ATP6V0D1: variants seen among roughly 807,000 people sequenced by gnomAD.
ATP6V0D1 encodes V-type proton ATPase subunit d 1.
In ATP6V0D1, 13 loss-of-function variants were observed where a neutral mutation model predicts 39.0. The ratio of observed to expected loss-of-function variants is 0.33; its 90% CI spans 0.22 to 0.53. ATP6V0D1 has a LOEUF of 0.53. ATP6V0D1 is among the 20% of genes least tolerant of loss of function. The pLI, the probability that ATP6V0D1 is intolerant of heterozygous loss-of-function variation, is 0.94. For synonymous variants in ATP6V0D1, 191 were observed against 191.2 expected (o/e 1.00, Z 0.01); for missense variants, 272 against 470.9 (o/e 0.58, Z 3.91).
At chr16:67,459,953 CTGGCCACAGCACAGTGTGAGAGGACAGAG>C (rs2041276439) in intron 1 of ATP6V0D1, among the ~76,000 whole-genome samples, 1 of 152,260 alleles carries the variant, frequency 6.6e-6, no homozygotes. Flanking sequence ...TGCTGGCCAG[CTGGCCACAGCACAGTGTGAGAGGACAGAG>C]TGTTCCCAGA....
intron 4 of ATP6V0D1, 67 bp from the exon 5 acceptor site, chr16:67,439,418 C>T (rs1567532690): frequency 2.1e-6 from 3 of 1,457,004 alleles, no homozygotes; most frequent in East Asian, 2.3e-5. Flanking sequence ...AGGCACAAGC[C>T]CTCACAGCTC....
intron 1 of ATP6V0D1, among the ~76,000 whole-genome samples, chr16:67,468,254 T>C (rs1019407245): frequency 2.6e-5 from 4 of 151,880 alleles, no homozygotes; most frequent in African/African-American, 4.8e-5. Flanking sequence ...ATCATGCCAC[T>C]GCAATCCAAC....
At chr16:67,458,134 G>A (rs1234030897) in intron 1 of ATP6V0D1, among the ~76,000 whole-genome samples, 4 of 152,192 alleles carry the variant, frequency 2.6e-5, no homozygotes, top group African/African-American at 9.7e-5. Flanking sequence ...AACCAGCTCT[G>A]GCCCTGTTGG....
At chr16:67,475,035 C>A (rs2041403761) in intron 1 of ATP6V0D1, among the ~76,000 whole-genome samples, 1 of 152,244 alleles carries the variant, frequency 6.6e-6, no homozygotes, top group Admixed American at 6.5e-5. Context: ...CACCGCCAGC[C>A]TGGATTACTA....
intron 1 of ATP6V0D1, among the ~76,000 whole-genome samples, chr16:67,461,514 C>T (rs576548387): frequency 4.7e-4 from 71 of 152,340 alleles, no homozygotes; most frequent in Non-Finnish European, 8.5e-4. Context: ...ACAGCTCTTG[C>T]TTCATGGGAA....
Position 67,444,776 on chromosome 16 carries a change from CCCTCGCCCGCCTGCA to C in ATP6V0D1, c.303-85_303-71del. 2 of 1,395,530 alleles carry C rather than the reference CCCTCGCCCGCCTGCA, an allele frequency of 1.4e-6. No individual in the cohort carries two copies. Among genetic ancestry groups the C allele is most frequent in the Non-Finnish European group, 1.9e-6 (2 of 1,038,586 alleles). 86.4% of individuals were successfully genotyped at this position (1,395,530 alleles called of 1,614,324 possible). ...CGGGAAGTCCTGGCATAGCACCATG[CCCTCGCCCGCCTGCA>C]CAGGCCATCACCCCTTAACAATGTA... On this transcript the variant is annotated intron_variant, in intron 2 of 7. Coordinates refer to ENST00000290949, the MANE Select transcript of ATP6V0D1 (RefSeq NM_004691.5). The surrounding 1 kb of genome is among the most constrained non-coding windows in gnomAD (Gnocchi z 4.8).
chr16:67,442,443 G>A (rs534199819), intron 4 of ATP6V0D1, among the ~76,000 whole-genome samples: 3 of 150,410 alleles, frequency 2.0e-5, no homozygotes, highest in African/African-American at 7.5e-5. Context: ...AACCTAACTG[G>A]TCTCGGGCTT....
At chr16:67,452,528 A>G in intron 2 of ATP6V0D1, 1 of 818,350 alleles carries the variant, frequency 1.2e-6, no homozygotes, top group Non-Finnish European at 2.0e-6. Context: ...GAGTGGGGGC[A>G]CCATAATCAA....
intron 1 of ATP6V0D1, among the ~76,000 whole-genome samples, chr16:67,472,203 A>G (rs1282723466): frequency 7.9e-5 from 12 of 152,190 alleles, no homozygotes; most frequent in Admixed American, 7.9e-4. Flanking sequence ...GCCACTGAGC[A>G]CTGGGGTCCC....
chr16:67,466,953 C>T (rs149015439), intron 1 of ATP6V0D1, among the ~76,000 whole-genome samples: 3 of 152,278 alleles, frequency 2.0e-5, no homozygotes, highest in South Asian at 2.1e-4. Context: ...CTGAAGAGGA[C>T]GTGGAGGGAA....
chr16:67,448,520 T>A (rs900533650), intron 2 of ATP6V0D1, among the ~76,000 whole-genome samples: 2 of 151,514 alleles, frequency 1.3e-5, no homozygotes, highest in Non-Finnish European at 1.5e-5. Flanking sequence ...ATTAGTCGGG[T>A]GTGGTGGCGC....
rs560776532 is a variant in ATP6V0D1 at position 67,439,010 on chromosome 16, G to A, written c.777C>T (p.Asp259=). Residue 259 remains aspartate, a synonymous_variant, in exon 6 of 8, where the codon GAC becomes GAT. Coordinates refer to ENST00000290949, the MANE Select transcript of ATP6V0D1 (RefSeq NM_004691.5). ...PEGLAQLARA[D]DYEQVKNVAD... ...CCACGTTCTTGACCTGTTCATAGTC[G>A]TCAGCCCGAGCCAGCTGCGCCAGGC... The A allele has an allele frequency of 4.0e-5, 64 of 1,614,002 alleles. No homozygotes were observed. The highest frequency in any genetic ancestry group is 1.1e-4 in the African/African-American group (8 of 74,920).
intron 1 of ATP6V0D1, among the ~76,000 whole-genome samples, chr16:67,476,527 C>G (rs1361483484): frequency 6.6e-6 from 1 of 152,108 alleles, no homozygotes; most frequent in Non-Finnish European, 1.5e-5. Context: ...TTTATCTTAA[C>G]CTCTCCTATA....
intron 3 of ATP6V0D1, chr16:67,443,479 C>T: frequency 2.9e-6 from 1 of 339,220 alleles, no homozygotes; most frequent in East Asian, 4.7e-5. Flanking sequence ...CAAAGACAGG[C>T]TTGCATAAGA....
chr16:67,443,891 T>C (rs570723541), intron 3 of ATP6V0D1, among the ~76,000 whole-genome samples: 18 of 152,340 alleles, frequency 1.2e-4, no homozygotes, highest in Non-Finnish European at 1.0e-4. Context: ...TCAACCCTGG[T>C]GGCTTCTTAG....
At chr16:67,454,062 C>T (rs890063178) in intron 1 of ATP6V0D1, among the ~76,000 whole-genome samples, 4 of 152,170 alleles carry the variant, frequency 2.6e-5, no homozygotes, top group African/African-American at 9.7e-5. Flanking sequence ...GTAGGCTGGC[C>T]CTAATCTAGA....
chr16:67,451,315 T>C (rs761507662), intron 2 of ATP6V0D1, among the ~76,000 whole-genome samples: 10 of 152,038 alleles, frequency 6.6e-5, no homozygotes, highest in South Asian at 2.1e-4. Context: ...GGCAGAAAAG[T>C]GCTCGAATGA....
In ATP6V0D1 at chr16:67,467,289, G is replaced by A. The variant is rs190914389; in HGVS notation, c.131-13574C>T. The stretch of plus-strand genomic sequence containing the variant: ...TGGGAGACCGAGGTGGGCGGATCAC[G>A]AGGTCAAGAGATCAAGACCATCCTG... On this transcript the variant is annotated intron_variant, in intron 1 of 7. Transcript: ENST00000290949. Among the ~76,000 whole-genome samples the A allele has an allele frequency of 4.4e-3, 669 of 152,228 alleles. 11 individuals are homozygous for A. Among genetic ancestry groups the A allele is most frequent in the African/African-American group, 0.015 (636 of 41,522 alleles).
Position 67,481,123 on chromosome 16 carries a change from C to G in ATP6V0D1, c.-37G>C, listed in dbSNP as rs374855202. 6.3e-5 allele frequency: 101 copies of G among 1,611,572 alleles called. No homozygotes were observed. Among genetic ancestry groups the G allele is most frequent in the Non-Finnish European group, 8.4e-5 (99 of 1,178,388 alleles). On this transcript the variant is annotated 5_prime_UTR_variant, in exon 1 of 8. Coordinates refer to ENST00000290949, the MANE Select transcript of ATP6V0D1 (RefSeq NM_004691.5). ...GAGCGGCGGGACCGGAGAACCAGGA[C>G]CGGCCGGCACGAATCGCGACTCCCC...
Sources: allele counts gnomAD v4.1 joint callset (sites outside exome capture counted in the v4.1 genomes callset), GRCh38; gene constraint gnomAD v4.1.1; non-coding constraint Gnocchi (gnomAD v3.1); transcripts MANE v1.5; gene names NCBI Gene and HGNC (gene_info 2026-07-23, HGNC 2026-07-21).